DAB1: variants seen among roughly 807,000 people sequenced by gnomAD.
DAB1 encodes the protein disabled homolog 1.
In DAB1, 15 loss-of-function variants were observed where a neutral mutation model predicts 64.6. That is an observed-to-expected ratio of 0.23 (90% CI 0.16 to 0.36). DAB1 has a LOEUF of 0.36. Ranked by LOEUF, DAB1 falls within the 10% of genes least tolerant of loss-of-function variation. The pLI, the probability that DAB1 is intolerant of heterozygous loss-of-function variation, is 1.00. For synonymous variants in DAB1, 235 were observed against 251.9 expected (o/e 0.93, Z 0.64); for missense variants, 596 against 706.7 (o/e 0.84, Z 1.78).
At chr1:57,043,806 C>G (rs1557613959) in intron 9 of DAB1, among the ~76,000 whole-genome samples, 2 of 151,980 alleles carry the variant, frequency 1.3e-5, no homozygotes, top group Non-Finnish European at 1.5e-5. Flanking sequence ...GAGATTGCAC[C>G]ACTCCACTCC....
intron 1 of DAB1, among the ~76,000 whole-genome samples, chr1:57,358,375 C>T (rs1205127398): frequency 6.6e-6 from 1 of 151,918 alleles, no homozygotes; most frequent in Non-Finnish European, 1.5e-5. Flanking sequence ...TACATTTTGT[C>T]AAATGCTTTT....
At chr1:58,081,784 A>T (rs1650012067) in intron 5 of DAB1, among the ~76,000 whole-genome samples, 1 of 152,166 alleles carries the variant, frequency 6.6e-6, no homozygotes, top group African/African-American at 2.4e-5. Context: ...AGCCTTAGAG[A>T]GCAGTAAATG....
At chr1:57,088,825 T>C (rs1055541560) in intron 4 of DAB1, among the ~76,000 whole-genome samples, 2 of 152,242 alleles carry the variant, frequency 1.3e-5, no homozygotes, top group Non-Finnish European at 2.9e-5. Flanking sequence ...TGTTTATCTT[T>C]GACACCACAC....
chr1:57,339,506 C>T (rs1677399178), intron 1 of DAB1, among the ~76,000 whole-genome samples: 7 of 152,334 alleles, frequency 4.6e-5, no homozygotes, highest in Admixed American at 2.0e-4. Context: ...TTTAACAAAG[C>T]AGTCTGTTAC....
intron 5 of DAB1, among the ~76,000 whole-genome samples, chr1:57,962,447 G>T (rs1413768676): frequency 1.3e-5 from 2 of 152,024 alleles, no homozygotes; most frequent in African/African-American, 2.4e-5. Flanking sequence ...TCCTTCCTAT[G>T]ATCATCTCAC....
chr1:57,608,944 T>C (rs1048152244), intron 7 of DAB1, among the ~76,000 whole-genome samples: 16 of 152,212 alleles, frequency 1.1e-4, no homozygotes, highest in African/African-American at 3.9e-4. Context: ...AGACATGCGG[T>C]ATTGAGCTTA....
chr1:57,850,690 C>T (rs755085065), intron 1 of DAB1, among the ~76,000 whole-genome samples: 8 of 152,154 alleles, frequency 5.3e-5, no homozygotes, highest in Non-Finnish European at 8.8e-5. Flanking sequence ...TCTTATGTGA[C>T]GGCACATTCA....
chr1:57,268,576 T>TA (rs554902457), intron 2 of DAB1, among the ~76,000 whole-genome samples: 315 of 152,158 alleles, frequency 2.1e-3, no homozygotes, highest in African/African-American at 7.1e-3. Flanking sequence ...AGGTGAAAAA[T>TA]AAAAAAACCA....
intron 7 of DAB1, among the ~76,000 whole-genome samples, chr1:57,499,292 G>A (rs1644263917): frequency 6.6e-6 from 1 of 152,172 alleles, no homozygotes; most frequent in East Asian, 1.9e-4. Flanking sequence ...ATGTTTAATG[G>A]AGGAAGGTGA....
intron 5 of DAB1, among the ~76,000 whole-genome samples, chr1:58,005,146 G>T (rs1646562568): frequency 6.6e-6 from 1 of 152,068 alleles, no homozygotes. Context: ...ATAATTCAAT[G>T]ATTTTTAGCA....
intron 3 of DAB1, among the ~76,000 whole-genome samples, chr1:58,478,458 TTAAGTA>T (rs970095005): frequency 1.8e-4 from 27 of 152,198 alleles, no homozygotes; most frequent in East Asian, 1.3e-3. Flanking sequence ...GTTAAATGCT[TTAAGTA>T]TATCATTTCA....
At chr1:57,835,617 CCAT>C (rs975892064) in intron 1 of DAB1, among the ~76,000 whole-genome samples, 1 of 152,152 alleles carries the variant, frequency 6.6e-6, no homozygotes, top group African/African-American at 2.4e-5. Context: ...TTCTAGTCCT[CCAT>C]CATTACTGTC....
chr1:57,547,914 C>T (rs1220797489), intron 7 of DAB1, among the ~76,000 whole-genome samples: 3 of 152,128 alleles, frequency 2.0e-5, no homozygotes, highest in Non-Finnish European at 4.4e-5. Context: ...TCCCAACAAG[C>T]AGATCAATCC....
At chr1:57,301,320 C>T (rs1570214171) in intron 1 of DAB1, among the ~76,000 whole-genome samples, 1 of 152,130 alleles carries the variant, frequency 6.6e-6, no homozygotes, top group African/African-American at 2.4e-5. Flanking sequence ...ACATCTGCTC[C>T]CCAACACACG....
chr1:57,886,818 A>ATC (rs1265634198), upstream of DAB1, among the ~76,000 whole-genome samples: 6 of 152,128 alleles, frequency 3.9e-5, no homozygotes, highest in Admixed American at 3.9e-4. Flanking sequence ...AAGTTACTGA[A>ATC]TCTCTCCAGG....
At chr1:57,478,180 C>T (rs1346995712) in intron 7 of DAB1, among the ~76,000 whole-genome samples, 2 of 152,088 alleles carry the variant, frequency 1.3e-5, no homozygotes, top group African/African-American at 4.8e-5. Flanking sequence ...GGTCTCAGGG[C>T]TGCACTAGTA....
In DAB1 at chr1:58,201,750, T is replaced by C. The variant is rs140300973; in HGVS notation, n.310-51162A>G. On this transcript the variant is annotated intron_variant and non_coding_transcript_variant, in intron 4 of 20. Coordinates refer to the DAB1 transcript ENST00000485760. ...CCTGCTTTCTCAAATTTCTCAATCT[T>C]TAAACATTTTCTCAACATTTCATGG... 4.3e-4 allele frequency among the ~76,000 whole-genome samples: 65 copies of C among 152,324 alleles called. 1 individual carries two copies. The highest frequency in any genetic ancestry group is 1.5e-3 in the African/African-American group (62 of 41,570).
rs111460179 is a variant in DAB1 at position 57,245,809 on chromosome 1, G to A, written c.67+45155C>T. Among the ~76,000 whole-genome samples, 882 of 152,304 alleles carry A rather than the reference G, an allele frequency of 5.8e-3. 15 individuals carry two copies. The highest frequency in any genetic ancestry group is 0.02 in the African/African-American group (816 of 41,580). On this transcript the variant is annotated intron_variant, in intron 2 of 14. Transcript: ENST00000371236. ...TGGGTATATACCCAGTAATGGGATCGCTGGGTCAAATATTATTTTCTAGTT... is the reference window on the plus strand; with the variant it reads ...TGGGTATATACCCAGTAATGGGATCACTGGGTCAAATATTATTTTCTAGTT...
intron 3 of DAB1, among the ~76,000 whole-genome samples, chr1:58,501,086 C>T (rs899733462): frequency 5.3e-5 from 8 of 152,132 alleles, no homozygotes; most frequent in African/African-American, 1.9e-4. Flanking sequence ...ATGTGTTTAA[C>T]TGATTATTTC....
Sources: gnomAD v4.1 joint callset for allele counts (sites outside exome capture counted in the v4.1 genomes callset) on GRCh38, gnomAD v4.1.1 for gene constraint, MANE v1.5 for transcripts, NCBI Gene and HGNC (gene_info 2026-07-23, HGNC 2026-07-21) for gene names.